The following GALNT8 variants were observed in gnomAD, a reference collection of about 807,000 sequenced individuals.
GALNT8 encodes the protein probable polypeptide N-acetylgalactosaminyltransferase 8.
In GALNT8, 66 loss-of-function variants were observed where a neutral mutation model predicts 62.7. The observed-to-expected ratio is 1.05, with a 90% CI of 0.86 to 1.29. The LOEUF (loss-of-function observed/expected upper bound fraction) is 1.29. Among genes scored for constraint, GALNT8 ranks in the 50% most tolerant of loss-of-function variants. GALNT8 has a pLI of 0.00. For missense variants in GALNT8, 771 were observed against 791.8 expected (o/e 0.97, Z 0.32); for synonymous variants, 288 against 294.3 (o/e 0.98, Z 0.22).
At chr12:4,769,132 A>T (rs1017896799) in intron 10 of GALNT8, among the ~76,000 whole-genome samples, 1 of 152,210 alleles carries the variant, frequency 6.6e-6, no homozygotes, top group Non-Finnish European at 1.5e-5. Context: ...GGAGAAGGTC[A>T]TCCATCTTCG....
chr12:4,720,570 G>A lies in GALNT8; in HGVS notation c.-108G>A, dbSNP rs749176458. ...CACACAGGGGAGACCAACTCAACTG[G>A]CACCTAGAACTCTCTTTCCCACAAA... On this transcript the variant is annotated 5_prime_UTR_variant, in exon 1 of 11. An upstream open reading frame in the 5' UTR gains an earlier in-frame stop. Coordinates refer to ENST00000252318, the MANE Select transcript of GALNT8 (RefSeq NM_017417.2). 13 of 771,700 alleles carry A rather than the reference G, an allele frequency of 1.7e-5. No individual in the cohort carries two copies. The highest frequency in any genetic ancestry group is 3.0e-5 in the Non-Finnish European group (13 of 439,822). The allele number at this position is 771,700 out of a possible 1,614,324, so 47.8% of individuals were successfully genotyped here.
chr12:4,764,857 A>AT (rs57897149), intron 9 of GALNT8, among the ~76,000 whole-genome samples: 2 of 143,860 alleles, frequency 1.4e-5, no homozygotes, highest in African/African-American at 2.6e-5. Context: ...TGGCCTGGAC[A>AT]TTTTTTTTTT....
Position 4,760,639 on chromosome 12 carries a change from C to T in GALNT8, c.1174-319C>T, listed in dbSNP as rs928973394. Among the ~76,000 whole-genome samples, 34 of 152,138 alleles carry T rather than the reference C, an allele frequency of 2.2e-4. 1 individual carries two copies. Among genetic ancestry groups the T allele is most frequent in the Non-Finnish European group, 4.4e-5 (3 of 68,018 alleles). On this transcript the variant is annotated intron_variant, in intron 6 of 10. Coordinates refer to ENST00000252318, the MANE Select transcript of GALNT8 (RefSeq NM_017417.2). ...TTAGTGCAGTGAGAGTGGCTCAGGG[C>T]ATGGTGCCTCTCAGGACATGGGCAC...
In GALNT8 at chr12:4,764,022, A is replaced by G. The variant is rs763113344; in HGVS notation, c.1568A>G (p.Tyr523Cys). 6 of 1,581,840 alleles carry G rather than the reference A, an allele frequency of 3.8e-6. No homozygotes were observed. The Admixed American group carries it at 8.3e-5, about 22-fold the overall frequency. ...GPVPGNTPIM[Y>C]YCHEFSSQNV... ...GTTCCAGGCAACACCCCCATCATGT[A>G]TTACTGCCATGAATTCAGCTCACAG... is the stretch of plus-strand genomic sequence containing the variant. The change falls in exon 9 of 11, where the codon TAT becomes TGT. Residue 523 changes from tyrosine to cysteine, a missense_variant. By Grantham distance (194) the Tyr-to-Cys change is radical (BLOSUM62 -2). Transcript: ENST00000252318.
At chr12:4,736,427 C>T (rs1946245085) in intron 2 of GALNT8, among the ~76,000 whole-genome samples, 1 of 151,964 alleles carries the variant, frequency 6.6e-6, no homozygotes, top group Non-Finnish European at 1.5e-5. Flanking sequence ...GTATGTGGGT[C>T]AAAACGTAAA....
intron 2 of GALNT8, among the ~76,000 whole-genome samples, chr12:4,727,398 G>A (rs1946201094): frequency 6.6e-6 from 1 of 151,818 alleles, no homozygotes; most frequent in African/African-American, 2.4e-5. Flanking sequence ...CATTTAAAGT[G>A]TGCAATGTAA....
In GALNT8 at chr12:4,765,498, C is replaced by T; in HGVS notation, c.1713C>T (p.Cys571=). The part of the protein sequence containing the change: ...GKAEKPTLEP[C]SKAAKNRLHI... ...CGGAGAAGCCCACCTTAGAACCATG[C>T]TCCAAGGCAGCTAAGAATAGACTGC... is the stretch of plus-strand genomic sequence containing the variant. Residue 571 remains cysteine (C), a synonymous_variant, in exon 10 of 11, where the codon TGC becomes TGT. Transcript: ENST00000252318. The T allele has an allele frequency of 6.2e-7, 1 of 1,612,056 alleles. No homozygotes were observed. The highest frequency in any genetic ancestry group is 8.5e-7 in the Non-Finnish European group (1 of 1,179,672).
chr12:4,733,252 C>T (rs982488986), intron 2 of GALNT8, among the ~76,000 whole-genome samples: 1 of 152,198 alleles, frequency 6.6e-6, no homozygotes, highest in Admixed American at 6.5e-5. Context: ...AGATATAAAA[C>T]ATTTCGTCAT....
Position 4,771,147 on chromosome 12 carries a change from C to T in GALNT8, c.1762-1298C>T, listed in dbSNP as rs114320433. Among the ~76,000 whole-genome samples, 867 of 152,208 alleles carry T rather than the reference C, an allele frequency of 5.7e-3. 5 individuals are homozygous for T. The highest frequency in any genetic ancestry group is 0.019 in the African/African-American group (770 of 41,520). On this transcript the variant is annotated intron_variant, in intron 10 of 10. Coordinates refer to ENST00000252318, the MANE Select transcript of GALNT8 (RefSeq NM_017417.2). ...TGAGTGCCAGGTGGGGGCTGACAGA[C>T]GAAGCATGCTGAGGAGGCCTGGAAG...
intron 5 of GALNT8, 145 bp downstream of exon 5, chr12:4,745,771 A>G (rs752996876): frequency 3.4e-5 from 22 of 653,012 alleles, no homozygotes; most frequent in Non-Finnish European, 4.6e-5. Flanking sequence ...GGATAGAGGG[A>G]AAAAACCCCA....
At chr12:4,740,792 T>C (rs984199739) in intron 3 of GALNT8, among the ~76,000 whole-genome samples, 1 of 152,108 alleles carries the variant, frequency 6.6e-6, no homozygotes, top group Non-Finnish European at 1.5e-5. Context: ...ATTGTGTAGA[T>C]GTGCAAAACT....
chr12:4,731,500 C>T (rs986715700), intron 2 of GALNT8, among the ~76,000 whole-genome samples: 1 of 152,148 alleles, frequency 6.6e-6, no homozygotes, highest in East Asian at 1.9e-4. Context: ...TGATTGCTCT[C>T]GCTAGGACTT....
In GALNT8 at chr12:4,772,716, A is replaced by C; in HGVS notation, c.*119A>C. 1.3e-6 allele frequency: 1 copy of C among 781,914 alleles called. No homozygotes were observed. The highest frequency in any genetic ancestry group is 2.1e-6 in the Non-Finnish European group (1 of 485,718). The allele number at this position is 781,914 out of a possible 1,614,324, so 48.4% of individuals were successfully genotyped here. A position where few individuals can be genotyped will look rare whatever the true frequency, so the allele number is the denominator to read the frequency against. ...AGCATGTGTATGTCTGTTTATGGCG[A>C]CTTCAGGTGGGGCCTGTGCGTGTGC... On this transcript the variant is annotated 3_prime_UTR_variant, in exon 11 of 11. Coordinates refer to ENST00000252318, the MANE Select transcript of GALNT8 (RefSeq NM_017417.2).
At chr12:4,754,090 C>T (rs1194659829) in intron 6 of GALNT8, among the ~76,000 whole-genome samples, 4 of 152,120 alleles carry the variant, frequency 2.6e-5, no homozygotes, top group African/African-American at 7.2e-5. Flanking sequence ...TGGAGTGACA[C>T]AAGCAACCCC....
chr12:4,739,789 C>A (rs975678468), intron 3 of GALNT8, among the ~76,000 whole-genome samples: 3 of 151,794 alleles, frequency 2.0e-5, no homozygotes, highest in Non-Finnish European at 4.4e-5. Context: ...CTCAGCCTCC[C>A]GAGTAGCTGG....
intron 2 of GALNT8, among the ~76,000 whole-genome samples, chr12:4,736,343 T>C (rs936532547): frequency 4.8e-4 from 73 of 152,196 alleles, no homozygotes; most frequent in Non-Finnish European, 2.9e-4. Context: ...TCCCTGGTAA[T>C]CTGGAAGACT....
rs1426116248 is a variant in GALNT8, at chr12:4,749,471, A to G, written c.1173+3213A>G. ...ATGTTTCACATTGATTGATCTGCAT[A>G]TGTTGAACAATCCTTGCATCCCAGG... On this transcript the variant is annotated intron_variant, in intron 6 of 10. Coordinates refer to ENST00000252318, the MANE Select transcript of GALNT8 (RefSeq NM_017417.2). This position sits in a 1 kb window ranked among gnomAD's most constrained non-coding sequence, Gnocchi z 4.1. Among the ~76,000 whole-genome samples, 1 of 152,164 alleles carries G rather than the reference A, an allele frequency of 6.6e-6. No homozygotes were observed. The highest frequency in any genetic ancestry group is 2.4e-5 in the African/African-American group (1 of 41,432).
At chr12:4,743,217 A>T (rs1366876457) in intron 3 of GALNT8, among the ~76,000 whole-genome samples, 1 of 152,160 alleles carries the variant, frequency 6.6e-6, no homozygotes, top group Non-Finnish European at 1.5e-5. Flanking sequence ...TGATGTAGTG[A>T]CTGAATTAGA....
chr12:4,762,524 T>C (rs994425080), intron 7 of GALNT8, among the ~76,000 whole-genome samples: 5 of 152,204 alleles, frequency 3.3e-5, no homozygotes, highest in African/African-American at 7.2e-5. Flanking sequence ...ATGAGGAGTA[T>C]GTTGGGTTTT....
Sources: gnomAD v4.1 joint callset for allele counts (sites outside exome capture counted in the v4.1 genomes callset) on GRCh38, gnomAD v4.1.1 for gene constraint, Gnocchi (gnomAD v3.1) non-coding constraint, MANE v1.5 for transcripts, NCBI Gene and HGNC (gene_info 2026-07-23, HGNC 2026-07-21) for gene names.